PCDHA8: variants seen among roughly 807,000 people sequenced by gnomAD.
The protein encoded by PCDHA8 is protocadherin alpha 8.
In PCDHA8, 53 loss-of-function variants were observed where a neutral mutation model predicts 61.8. The ratio of observed to expected loss-of-function variants is 0.86; its 90% CI spans 0.69 to 1.08. The LOEUF is 1.08. Among genes scored for constraint, PCDHA8 ranks in the 50% least tolerant of loss-of-function variants. PCDHA8 has a pLI of 0.00. For synonymous variants in PCDHA8, 618 were observed against 556.6 expected (o/e 1.11, Z -1.55); for missense variants, 1,293 against 1,245.0 (o/e 1.04, Z -0.58).
chr5:140,970,227 A>T (rs186622858), intron 1 of PCDHA8, among the ~76,000 whole-genome samples: 190 of 152,300 alleles, frequency 1.2e-3, no homozygotes, highest in African/African-American at 4.2e-3. Flanking sequence ...GCAGCCTGTA[A>T]TCTTCTGATT....
intron 1 of PCDHA8, chr5:140,848,530 A>G (rs2150412055): frequency 6.3e-7 from 1 of 1,594,630 alleles, no homozygotes; most frequent in Non-Finnish European, 8.6e-7. Context: ...CCAGAGGGTC[A>G]GCCTCTACTG....
intron 1 of PCDHA8, among the ~76,000 whole-genome samples, chr5:140,945,224 T>G (rs1563213002): frequency 6.6e-6 from 1 of 152,016 alleles, no homozygotes; most frequent in Admixed American, 6.6e-5. Flanking sequence ...ATAAAAATAC[T>G]TAGGAATAAA....
intron 1 of PCDHA8, chr5:140,926,832 G>C: frequency 6.6e-7 from 1 of 1,505,338 alleles, no homozygotes; most frequent in Non-Finnish European, 8.9e-7. Context: ...GGAGTCCGGA[G>C]CATGGTCCTG....
At chr5:140,878,906 C>T (rs1320249788) in intron 1 of PCDHA8, among the ~76,000 whole-genome samples, 2 of 152,210 alleles carry the variant, frequency 1.3e-5, no homozygotes, top group African/African-American at 4.8e-5. Flanking sequence ...CAGGCTCCAC[C>T]ACTCCCAGCT....
chr5:140,858,392 G>T, intron 1 of PCDHA8: 1 of 1,579,080 alleles, frequency 6.3e-7, no homozygotes, highest in Non-Finnish European at 8.7e-7. Context: ...AATGGTAGAT[G>T]TGGACGGGGA....
At chr5:140,921,435 A>C (rs997660613) in intron 1 of PCDHA8, among the ~76,000 whole-genome samples, 4 of 152,120 alleles carry the variant, frequency 2.6e-5, no homozygotes, top group African/African-American at 4.8e-5. Flanking sequence ...ATTTTCTTCA[A>C]TGGTGTCTGA....
In PCDHA8 at chr5:140,856,147, A is replaced by C. The variant is rs142037616; in HGVS notation, c.2394+12432A>C. Reference sequence around the variant, plus strand: ...TGGGGAGCGGCCAGCTCCACTACTCAGTCTACGAGGAGGCCAGACACGGCA... The same window carrying C: ...TGGGGAGCGGCCAGCTCCACTACTCCGTCTACGAGGAGGCCAGACACGGCA... On this transcript the variant is annotated intron_variant, in intron 1 of 3. Coordinates refer to ENST00000531613, the MANE Select transcript of PCDHA8 (RefSeq NM_018911.3). 34 of 1,598,116 alleles carry C rather than the reference A, an allele frequency of 2.1e-5. 2 individuals are homozygous for C. Among genetic ancestry groups the C allele is most frequent in the Middle Eastern group, 1.7e-4 (1 of 6,012 alleles).
At chr5:140,983,168 C>G (rs2097030716) in intron 3 of PCDHA8, among the ~76,000 whole-genome samples, 1 of 152,146 alleles carries the variant, frequency 6.6e-6, no homozygotes. Context: ...CCAAACATGA[C>G]CGCCTCACAA....
intron 1 of PCDHA8, among the ~76,000 whole-genome samples, chr5:140,940,750 G>A (rs1274521070): frequency 2.6e-5 from 4 of 152,136 alleles, no homozygotes; most frequent in Non-Finnish European, 5.9e-5. Context: ...TTTTATGTGT[G>A]CCAACTTTTA....
intron 1 of PCDHA8, chr5:140,930,281 A>G (rs1554207692): frequency 6.6e-6 from 1 of 152,242 alleles, no homozygotes; most frequent in Non-Finnish European, 1.5e-5. Flanking sequence ...TAGGGGACAA[A>G]TACACTTAAC....
chr5:140,933,999 C>T (rs1399268046), intron 1 of PCDHA8, among the ~76,000 whole-genome samples: 2 of 152,050 alleles, frequency 1.3e-5, no homozygotes, highest in South Asian at 2.1e-4. Context: ...TGTCACCTCT[C>T]ATTTTTCTTG....
intron 1 of PCDHA8, chr5:140,868,954 C>G: frequency 7.4e-7 from 1 of 1,348,952 alleles, no homozygotes; most frequent in Non-Finnish European, 1.0e-6. Flanking sequence ...GTGAGGCACT[C>G]CCATACAAAG....
intron 1 of PCDHA8, chr5:140,883,720 A>G (rs782338608): frequency 4.3e-6 from 7 of 1,613,566 alleles, no homozygotes; most frequent in Middle Eastern, 1.7e-4. Flanking sequence ...ACGCGGACGC[A>G]CAGGAGAACG....
At chr5:141,006,483 G>T (rs1351534173) in intron 3 of PCDHA8, among the ~76,000 whole-genome samples, 1 of 152,126 alleles carries the variant, frequency 6.6e-6, no homozygotes, top group Non-Finnish European at 1.5e-5. Context: ...AAAGTGCTGG[G>T]ATTACATGTG....
intron 1 of PCDHA8, among the ~76,000 whole-genome samples, chr5:140,894,305 T>A (rs1318862417): frequency 6.6e-6 from 1 of 152,078 alleles, no homozygotes; most frequent in East Asian, 1.9e-4. Context: ...TCCTGGAAAG[T>A]TTTCTTAAAT....
chr5:140,845,110 T>C (rs1779704552), intron 1 of PCDHA8, among the ~76,000 whole-genome samples: 1 of 149,836 alleles, frequency 6.7e-6, no homozygotes, highest in East Asian at 1.9e-4. Flanking sequence ...TTAATGCCTG[T>C]CCATGTTTAG....
intron 1 of PCDHA8, among the ~76,000 whole-genome samples, chr5:140,946,990 C>T (rs181802680): frequency 2.6e-5 from 4 of 151,580 alleles, no homozygotes; most frequent in African/African-American, 9.7e-5. Context: ...TTTGAGTGTT[C>T]TAACTTCAAA....
chr5:140,947,188 T>C (rs2153678869), intron 1 of PCDHA8, among the ~76,000 whole-genome samples: 1 of 151,448 alleles, frequency 6.6e-6, no homozygotes, highest in South Asian at 2.1e-4. Context: ...CATGGTATAC[T>C]ACACAGCCTT....
chr5:140,882,582 A>G (rs1554174663), intron 1 of PCDHA8: 1 of 1,614,114 alleles, frequency 6.2e-7, no homozygotes, highest in East Asian at 2.2e-5. Context: ...TGCAGCATCC[A>G]CCTGGAGGTG....
Sources: allele counts gnomAD v4.1 joint callset (sites outside exome capture counted in the v4.1 genomes callset), GRCh38; gene constraint gnomAD v4.1.1; transcripts MANE v1.5; gene names NCBI Gene and HGNC (gene_info 2026-07-23, HGNC 2026-07-21).